The following OPCML variants were observed in gnomAD, a reference collection of about 807,000 sequenced individuals.
OPCML encodes opioid binding protein/cell adhesion molecule like, also known as opioid-binding protein/cell adhesion molecule.
A neutral mutation model predicts 37.8 loss-of-function variants in OPCML; 13 were observed. The observed-to-expected ratio is 0.34, with a 90% CI of 0.22 to 0.55. The LOEUF is 0.55. Ranked by LOEUF, OPCML falls within the 20% of genes least tolerant of loss-of-function variation. The pLI is 0.91. For synonymous variants in OPCML, 176 were observed against 168.8 expected (o/e 1.04, Z -0.33); for missense variants, 341 against 435.6 (o/e 0.78, Z 1.93).
intron 1 of OPCML, among the ~76,000 whole-genome samples, chr11:132,992,913 A>G (rs1343023024): frequency 6.6e-6 from 1 of 152,154 alleles, no homozygotes; most frequent in African/African-American, 2.4e-5. Flanking sequence ...CAACGTTGAC[A>G]TCCAGTGGTG....
At chr11:133,452,827 G>T (rs7481883) in intron 1 of OPCML, among the ~76,000 whole-genome samples, 18,427 of 151,362 alleles carry the variant, frequency 0.12, 2,963 homozygotes, top group African/African-American at 0.34. Flanking sequence ...AAAATCTAGG[G>T]GAAATTTGCT....
chr11:133,312,633 T>G (rs1474128809), intron 1 of OPCML, among the ~76,000 whole-genome samples: 4 of 152,224 alleles, frequency 2.6e-5, no homozygotes, highest in Non-Finnish European at 2.9e-5. Context: ...GAAAGTGTAT[T>G]GTCTCAAGAT....
chr11:133,141,005 ACGACGACGACGACGACGACGAC>A (rs1565469015), intron 1 of OPCML, among the ~76,000 whole-genome samples: 168 of 9,932 alleles, frequency 0.017, 40 homozygotes, highest in African/African-American at 0.032. Context: ...GAAGACGACG[ACGACGACGACGACGACGACGAC>A]GACGACGACG....
At chr11:133,003,486 GC>G (rs1947050369) in intron 1 of OPCML, among the ~76,000 whole-genome samples, 1 of 152,040 alleles carries the variant, frequency 6.6e-6, no homozygotes, top group Non-Finnish European at 1.5e-5. Context: ...TGTATTTAGG[GC>G]CCACTCAGAT....
At chr11:133,326,436 C>A (rs975045603) in intron 1 of OPCML, among the ~76,000 whole-genome samples, 6 of 92,064 alleles carry the variant, frequency 6.5e-5, no homozygotes, top group Admixed American at 1.6e-4. Flanking sequence ...TGTGTGGGTG[C>A]GTGTATGTGT....
intron 1 of OPCML, chr11:133,007,453 C>A: frequency 2.0e-6 from 2 of 985,436 alleles, no homozygotes; most frequent in Non-Finnish European, 2.4e-6. Context: ...AAAATGCACA[C>A]AAAGCCCTGC....
chr11:132,883,366 A>T (rs1943289330), intron 2 of OPCML, among the ~76,000 whole-genome samples: 1 of 152,190 alleles, frequency 6.6e-6, no homozygotes, highest in Non-Finnish European at 1.5e-5. Context: ...CAGACAGGTG[A>T]ATTAGGAACA....
chr11:132,530,418 C>T (rs2096321333), intron 3 of OPCML, among the ~76,000 whole-genome samples: 1 of 151,900 alleles, frequency 6.6e-6, no homozygotes, highest in Non-Finnish European at 1.5e-5. Flanking sequence ...GCAATAGCCT[C>T]CCACCGTGAA....
At chr11:132,871,193 T>C (rs559456433) in intron 2 of OPCML, among the ~76,000 whole-genome samples, 1 of 149,836 alleles carries the variant, frequency 6.7e-6, no homozygotes. Context: ...ACTCGTTAAT[T>C]AAAATTTTTT....
chr11:133,362,342 C>T (rs1443176351), intron 1 of OPCML: 2 of 152,358 alleles, frequency 1.3e-5, no homozygotes, highest in African/African-American at 4.8e-5. Flanking sequence ...AGGCTTGCTC[C>T]GCTCTGGAAA....
At chr11:132,900,760 A>G (rs980854724) in intron 2 of OPCML, among the ~76,000 whole-genome samples, 1 of 152,100 alleles carries the variant, frequency 6.6e-6, no homozygotes, top group African/African-American at 2.4e-5. Context: ...CTTCATGTCT[A>G]CAGTCAGAGA....
chr11:133,247,310 A>G (rs536027030), intron 1 of OPCML, among the ~76,000 whole-genome samples: 35 of 152,206 alleles, frequency 2.3e-4, no homozygotes, highest in Non-Finnish European at 4.1e-4. Context: ...TCATGAGAGC[A>G]TCCAGTGATC....
chr11:133,418,593 G>A (rs1263495735), intron 1 of OPCML: 2 of 331,972 alleles, frequency 6.0e-6, no homozygotes, highest in Non-Finnish European at 8.6e-6. Flanking sequence ...TCATTCCTGG[G>A]TGTGGGCCAA....
chr11:133,241,866 G>A (rs1045766538), intron 1 of OPCML, among the ~76,000 whole-genome samples: 1 of 152,182 alleles, frequency 6.6e-6, no homozygotes, highest in Non-Finnish European at 1.5e-5. Flanking sequence ...TTTTCAGGCG[G>A]TTCCCTCCTT....
intron 1 of OPCML, among the ~76,000 whole-genome samples, chr11:133,277,815 G>A (rs1372274336): frequency 1.3e-5 from 2 of 151,894 alleles, no homozygotes; most frequent in Admixed American, 1.3e-4. Flanking sequence ...TGTAACATAA[G>A]TACTTTGCTC....
chr11:133,349,952 C>T (rs1004955494), intron 1 of OPCML, among the ~76,000 whole-genome samples: 1 of 152,178 alleles, frequency 6.6e-6, no homozygotes, highest in Admixed American at 6.5e-5. Context: ...GGACTGGACA[C>T]AGGTCAATGG....
At chr11:132,559,891 C>G (rs1055534536) in intron 3 of OPCML, among the ~76,000 whole-genome samples, 1 of 152,110 alleles carries the variant, frequency 6.6e-6, no homozygotes, top group African/African-American at 2.4e-5. Context: ...TTGATTGGAG[C>G]CATTTAAGAG....
rs1047046635 is a variant in OPCML, at chr11:133,212,780, C to T, written c.62-269770G>A. Among the ~76,000 whole-genome samples the T allele has an allele frequency of 6.6e-6, 1 of 152,148 alleles. No homozygotes were observed. The highest frequency in any genetic ancestry group is 6.5e-5 in the Admixed American group (1 of 15,274). The stretch of plus-strand genomic sequence containing the variant: ...GGGATTTCCCAGCAGCTTTCAGACC[C>T]CTTGGGACCCAACCTGGCCCCCTAG... On this transcript the variant is annotated intron_variant, in intron 1 of 7. Coordinates refer to ENST00000524381, the MANE Select transcript of OPCML (RefSeq NM_001012393.5). The surrounding 1 kb of genome is among the most constrained non-coding windows in gnomAD (Gnocchi z 4.9).
At position 133,274,385 on chromosome 11, in the gene OPCML, G is replaced by A. The variant is rs576815056; in HGVS notation, c.61+257879C>T. 6.6e-5 allele frequency among the ~76,000 whole-genome samples: 10 copies of A among 152,312 alleles called. No individual in the cohort carries two copies. The South Asian group carries it at 8.3e-4, about 13-fold the overall frequency. On this transcript the variant is annotated intron_variant, in intron 1 of 7. Coordinates refer to ENST00000524381, the MANE Select transcript of OPCML (RefSeq NM_001012393.5). ...GGAGAAAAGACACAGAGACAGAGAC[G>A]TGTGAGGGAAGAAGGTCCTGGGACA...
Sources: gnomAD v4.1 joint callset for allele counts (sites outside exome capture counted in the v4.1 genomes callset) on GRCh38, gnomAD v4.1.1 for gene constraint, Gnocchi (gnomAD v3.1) non-coding constraint, MANE v1.5 for transcripts, NCBI Gene and HGNC (gene_info 2026-07-23, HGNC 2026-07-21) for gene names.